The following CRHR2 variants were observed in gnomAD, a reference collection of about 807,000 sequenced individuals.
The protein encoded by CRHR2 is corticotropin releasing hormone receptor 2, also known as corticotropin-releasing hormone receptor 2.
Under a neutral mutation model 57.9 loss-of-function variants are expected in CRHR2, and 53 were observed. That is an observed-to-expected ratio of 0.92 (90% CI 0.73 to 1.15). The LOEUF is 1.15. Among genes scored for constraint, CRHR2 ranks in the 50% most tolerant of loss-of-function variants. The pLI, the probability that CRHR2 is intolerant of heterozygous loss-of-function variation, is 0.00. For synonymous variants in CRHR2, 213 were observed against 220.9 expected (o/e 0.96, Z 0.32); for missense variants, 532 against 542.6 (o/e 0.98, Z 0.19).
intron 8 of CRHR2, among the ~76,000 whole-genome samples, chr7:30,659,168 GC>G (rs1783898109): frequency 6.6e-6 from 1 of 152,238 alleles, no homozygotes; most frequent in Admixed American, 6.5e-5. Flanking sequence ...CCCTGTTGGT[GC>G]AAAGAGCTGG....
At chr7:30,667,173 C>A in intron 3 of CRHR2, 55 bp downstream of exon 3, 1 of 1,531,400 alleles carries the variant, frequency 6.5e-7, no homozygotes, top group Non-Finnish European at 9.0e-7. Flanking sequence ...TCTGCTCAAC[C>A]TGAGTCCAAA....
At chr7:30,690,885 G>T (rs111629544) in intron 1 of CRHR2, among the ~76,000 whole-genome samples, 3,963 of 152,314 alleles carry the variant, frequency 0.026, 178 homozygotes, top group African/African-American at 0.091. Context: ...GGGAGCAGGT[G>T]TGTGTGTTGT....
At position 30,682,223 on chromosome 7, in the gene CRHR2, C is replaced by A; in HGVS notation, c.58G>T (p.Glu20Ter). ...CCCCAGCCGTCCAAGAGCAGCTCTT[C>A]AGCCAGCGCCAGGCTGCAGTTGGCC... The part of the protein sequence containing the change: ...LEANCSLALA[E>*]ELLLDGWGPP... Residue 20 changes from glutamate (E) to a stop codon, truncating the protein, a stop_gained, in exon 1 of 12, where the codon GAA (glutamate) becomes TAA (stop). Coordinates refer to ENST00000471646, the MANE Select transcript of CRHR2 (RefSeq NM_001883.5). LOFTEE classifies it high-confidence loss of function. 1.9e-6 allele frequency: 3 copies of A among 1,590,162 alleles called. No individual in the cohort carries two copies. Among genetic ancestry groups the A allele is most frequent in the Non-Finnish European group, 2.6e-6 (3 of 1,175,850 alleles).
At chr7:30,667,422 G>T in intron 2 of CRHR2, 109 bp from the exon 3 acceptor site, 2 of 787,596 alleles carry the variant, frequency 2.5e-6, no homozygotes, top group Non-Finnish European at 4.2e-6. Context: ...CTCTCCTAGG[G>T]CAGCAAATAC....
intron 8 of CRHR2, among the ~76,000 whole-genome samples, chr7:30,658,741 C>T (rs889826070): frequency 1.3e-5 from 2 of 152,236 alleles, no homozygotes; most frequent in African/African-American, 4.8e-5. Context: ...CTGTGTCTGG[C>T]CTAGTGACTG....
At chr7:30,689,706 T>C (rs894435159) in intron 1 of CRHR2, among the ~76,000 whole-genome samples, 3 of 152,194 alleles carry the variant, frequency 2.0e-5, no homozygotes, top group Non-Finnish European at 4.4e-5. Context: ...CTGATGGGTG[T>C]CCTTCAGGTA....
chr7:30,684,421 T>TTCATTACC (rs559289467), upstream of CRHR2, among the ~76,000 whole-genome samples: 45 of 152,300 alleles, frequency 3.0e-4, no homozygotes, highest in East Asian at 8.5e-3. Context: ...ACCTAGGTGG[T>TTCATTACC]GCCTAAAGCA....
chr7:30,657,701 T>C (rs962734435), intron 8 of CRHR2, among the ~76,000 whole-genome samples: 19 of 152,178 alleles, frequency 1.2e-4, no homozygotes, highest in Non-Finnish European at 7.3e-5. Flanking sequence ...ACTTTATTCA[T>C]CTATCCATCT....
chr7:30,665,395 C>T lies in CRHR2; in HGVS notation c.425+135G>A. ...GCTGGTGATTCATGCCCTGGCACCC[C>T]ACCCAAACCCCACTTTCTCCACGGG... On this transcript the variant is annotated intron_variant, in intron 4 of 11. Transcript: ENST00000471646. This position sits in a 1 kb window ranked among gnomAD's most constrained non-coding sequence, Gnocchi z 4.5. The T allele has an allele frequency of 1.1e-6, 1 of 889,330 alleles. No individual in the cohort carries two copies. Among genetic ancestry groups the T allele is most frequent in the East Asian group, 2.7e-5 (1 of 37,526 alleles). 55.1% of individuals were successfully genotyped at this position (889,330 alleles called of 1,614,324 possible). A position where few individuals can be genotyped will look rare whatever the true frequency, so the allele number is the denominator to read the frequency against.
At chr7:30,695,216 G>A (rs967494146) in intron 1 of CRHR2, among the ~76,000 whole-genome samples, 9 of 152,100 alleles carry the variant, frequency 5.9e-5, no homozygotes, top group Non-Finnish European at 1.2e-4. Flanking sequence ...GTTTTCTGGT[G>A]TGTTCAGGCA....
Position 30,665,073 on chromosome 7 carries a change from A to G in CRHR2, c.540T>C (p.Asn180=), listed in dbSNP as rs764427829. Reference sequence around the variant, plus strand: ...CCGAGTCTCCCCGAGCAATGACCTCATTGCTCTCGTGCACTTCATGGTCAA... The same window carrying G: ...CCGAGTCTCCCCGAGCAATGACCTCGTTGCTCTCGTGCACTTCATGGTCAA... ...QLVDHEVHES[N]EVWCRCITTI... The change falls in exon 5 of 12, where the codon AAT becomes AAC. Residue 180 remains asparagine (N), a synonymous_variant. Coordinates refer to ENST00000471646, the MANE Select transcript of CRHR2 (RefSeq NM_001883.5). This position sits in a 1 kb window ranked among gnomAD's most constrained non-coding sequence, Gnocchi z 4.5. 5 of 1,613,572 alleles carry G rather than the reference A, an allele frequency of 3.1e-6. No individual in the cohort carries two copies. The highest frequency in any genetic ancestry group is 1.1e-5 in the South Asian group (1 of 91,068).
chr7:30,662,034 G>A lies in CRHR2; in HGVS notation c.758+122C>T, dbSNP rs138427524. On this transcript the variant is annotated intron_variant, in intron 7 of 11. Coordinates refer to ENST00000471646, the MANE Select transcript of CRHR2 (RefSeq NM_001883.5). ...TTTTCAATTTAAGGACAACAGGAAC[G>A]TGGATCTGTCTAGGTGTGGCTACAA... is the stretch of plus-strand genomic sequence containing the variant. 1.8e-4 allele frequency: 176 copies of A among 979,212 alleles called. No individual in the cohort carries two copies. The East Asian group carries it at 3.5e-3, about 20-fold the overall frequency. 60.7% of individuals were successfully genotyped at this position (979,212 alleles called of 1,614,324 possible).
intron 2 of CRHR2, among the ~76,000 whole-genome samples, chr7:30,673,037 T>C (rs1320578557): frequency 2.0e-5 from 3 of 152,186 alleles, no homozygotes; most frequent in Admixed American, 6.6e-5. Context: ...CTCTTCAGTG[T>C]CATTACCACT....
chr7:30,695,841 G>A (rs971395056), intron 1 of CRHR2, among the ~76,000 whole-genome samples: 14 of 152,288 alleles, frequency 9.2e-5, no homozygotes, highest in South Asian at 2.1e-4. Context: ...CCAGCTGAGC[G>A]GCCCTGGGCA....
At chr7:30,676,381 G>T (rs1784516507) in intron 2 of CRHR2, among the ~76,000 whole-genome samples, 1 of 152,172 alleles carries the variant, frequency 6.6e-6, no homozygotes, top group African/African-American at 2.4e-5. Context: ...AGTCAGGGGG[G>T]ATCAGGTCTC....
At chr7:30,700,010 T>TG in exon 1 of CRHR2, 1 of 1,440,918 alleles carries the variant, frequency 6.9e-7, no homozygotes, top group East Asian at 2.9e-5. Context: ...AGAGGAGGCC[T>TG]GGGGGCCCTG....
chr7:30,668,875 G>A (rs1584105447), intron 2 of CRHR2, among the ~76,000 whole-genome samples: 2 of 152,346 alleles, frequency 1.3e-5, no homozygotes, highest in Non-Finnish European at 2.9e-5. Flanking sequence ...TCAGGAAGAG[G>A]AAGCCTGCTC....
intron 7 of CRHR2, 55 bp from the exon 8 acceptor site, chr7:30,660,700 C>A: frequency 6.6e-7 from 1 of 1,522,668 alleles, no homozygotes. Flanking sequence ...GGGGGACCCC[C>A]ACAGACTTGG....
Position 30,655,669 on chromosome 7 carries a change from T to C in CRHR2, c.964A>G (p.Thr322Ala), listed in dbSNP as rs1382945850. ...GGATTGACGAAGAAGAGCATGTAGG[T>C]GATGCCCAGGAGGGGCAGGAGCACC... ...TLVLLPLLGITYMLFFVNPGE... is the reference protein window; with the variant it reads ...TLVLLPLLGIAYMLFFVNPGE... The change falls in exon 10 of 12, where the codon ACC becomes GCC. Residue 322 changes from threonine to alanine, a missense_variant. Physicochemically the swap from Thr to Ala is moderately conservative, Grantham distance 58. Coordinates refer to ENST00000471646, the MANE Select transcript of CRHR2 (RefSeq NM_001883.5). The C allele has an allele frequency of 1.2e-6, 2 of 1,614,096 alleles. No homozygotes were observed. The highest frequency in any genetic ancestry group is 1.7e-5 in the Admixed American group (1 of 60,016).
Sources: gnomAD v4.1 joint callset for allele counts (sites outside exome capture counted in the v4.1 genomes callset) on GRCh38, gnomAD v4.1.1 for gene constraint, Gnocchi (gnomAD v3.1) non-coding constraint, MANE v1.5 for transcripts, NCBI Gene and HGNC (gene_info 2026-07-23, HGNC 2026-07-21) for gene names.